SPC25: variants seen among roughly 807,000 people sequenced by gnomAD.
The protein encoded by SPC25 is kinetochore protein Spc25.
SPC25 carries 22 observed loss-of-function variants against 29.6 expected under a neutral mutation model. The observed-to-expected ratio is 0.74, with a 90% CI of 0.53 to 1.06. The LOEUF is 1.06. Ranked by LOEUF, SPC25 falls within the 50% of genes least tolerant of loss-of-function variation. SPC25 has a pLI of 0.00. For missense variants in SPC25, 230 were observed against 255.8 expected (o/e 0.90, Z 0.69); for synonymous variants, 91 against 90.4 (o/e 1.01, Z -0.04).
downstream of SPC25, among the ~76,000 whole-genome samples, chr2:168,869,756 A>G (rs188478449): frequency 6.0e-4 from 92 of 152,344 alleles, no homozygotes; most frequent in Admixed American, 3.5e-3. Flanking sequence ...AGGAAGAATC[A>G]ATATCATGAA....
intron 5 of SPC25, among the ~76,000 whole-genome samples, chr2:168,875,857 T>C (rs1690075302): frequency 6.6e-6 from 1 of 152,118 alleles, no homozygotes; most frequent in Non-Finnish European, 1.5e-5. Context: ...ATGTTGACAA[T>C]CATGCCAAAA....
At chr2:168,874,869 T>A (rs186124246) in intron 5 of SPC25, among the ~76,000 whole-genome samples, 1 of 152,144 alleles carries the variant, frequency 6.6e-6, no homozygotes, top group Non-Finnish European at 1.5e-5. Context: ...TTGCCCCACG[T>A]GCTATTGTTT....
chr2:168,885,106 C>T (rs529546853), intron 3 of SPC25, among the ~76,000 whole-genome samples: 1 of 152,278 alleles, frequency 6.6e-6, no homozygotes, highest in South Asian at 2.1e-4. Context: ...TGAAGACTTG[C>T]TGCACAATAA....
rs117394461 is a variant in SPC25, at chr2:168,865,054, T to C, written n.419+8531A>G. On this transcript the variant is annotated intron_variant and non_coding_transcript_variant, in intron 4 of 4. Transcript: ENST00000479309. ...AATAAGAATAAAGTGCTCTTACCTT[T>C]ACATGTTTTTCTTTTGAAATGGATG... 1.0e-4 allele frequency: 152 copies of C among 1,450,524 alleles called. No homozygotes were observed. In the East Asian group the frequency reaches 3.3e-3, roughly 31 times the overall value. The allele number at this position is 1,450,524 out of a possible 1,614,324, so 89.9% of individuals were successfully genotyped here. A position where few individuals can be genotyped will look rare whatever the true frequency, so the allele number is the denominator to read the frequency against.
intron 5 of SPC25, among the ~76,000 whole-genome samples, chr2:168,875,173 C>A (rs1012225967): frequency 2.6e-5 from 4 of 152,140 alleles, no homozygotes; most frequent in African/African-American, 9.7e-5. Context: ...CCTTTATCCA[C>A]CAGGGAGAAA....
chr2:168,886,595 C>T (rs888147317), intron 3 of SPC25, among the ~76,000 whole-genome samples: 1 of 151,686 alleles, frequency 6.6e-6, no homozygotes, highest in Non-Finnish European at 1.5e-5. Context: ...TCTGGGCTCA[C>T]TGCAAGCTCC....
intron 3 of SPC25, among the ~76,000 whole-genome samples, chr2:168,881,488 A>C (rs1165936319): frequency 1.3e-5 from 2 of 152,212 alleles, no homozygotes; most frequent in African/African-American, 4.8e-5. Context: ...CCAAAATGCC[A>C]ATCAGGGGGC....
rs1304490368 is a variant in SPC25, at chr2:168,871,564, A to G, written c.551-9T>C. ...AGGGGCACTATCTGACACTAGAAAA[A>G]AAAAAAAAAGAAATCAAAGACAATT... is the stretch of plus-strand genomic sequence containing the variant. On this transcript the variant is annotated splice_polypyrimidine_tract_variant and intron_variant, in intron 6 of 6. Coordinates refer to ENST00000282074, the MANE Select transcript of SPC25 (RefSeq NM_020675.4). 4.0e-6 allele frequency: 6 copies of G among 1,515,868 alleles called. No individual in the cohort carries two copies. Among genetic ancestry groups the G allele is most frequent in the Non-Finnish European group, 4.4e-6 (5 of 1,131,442 alleles). 93.9% of individuals were successfully genotyped at this position (1,515,868 alleles called of 1,614,324 possible).
chr2:168,867,169 T>C (rs1014875128), downstream of SPC25, among the ~76,000 whole-genome samples: 76 of 152,120 alleles, frequency 5.0e-4, no homozygotes, highest in Non-Finnish European at 5.7e-4. Flanking sequence ...TAAAGACACA[T>C]GCACATGTAT....
intron 2 of SPC25, 45 bp from the exon 3 acceptor site, chr2:168,889,336 A>G: frequency 6.2e-7 from 1 of 1,613,426 alleles, no homozygotes; most frequent in South Asian, 1.1e-5. Flanking sequence ...ATAACACTAA[A>G]AAATAAACTA....
At position 168,862,046 on chromosome 2, in the gene SPC25, A is replaced by C. The variant is rs769119808; in HGVS notation, n.419+11539T>G. The C allele has an allele frequency of 3.0e-5, 48 of 1,613,524 alleles. 1 individual carries two copies. The Admixed American group carries it at 7.8e-4, about 26-fold the overall frequency. ...GCAAGATGATGAGTTGAATTTGGAA[A>C]AGGGTAAGAATCATTCTCAAATATT... is the stretch of plus-strand genomic sequence containing the variant. On this transcript the variant is annotated intron_variant and non_coding_transcript_variant, in intron 4 of 4. Coordinates refer to the SPC25 transcript ENST00000479309.
In SPC25 at chr2:168,871,271, GT is replaced by G. The variant is rs1689977277; in HGVS notation, c.*159del. 1 of 574,084 alleles carries G rather than the reference GT, an allele frequency of 1.7e-6. No individual in the cohort carries two copies. Among genetic ancestry groups the G allele is most frequent in the Admixed American group, 3.8e-5 (1 of 26,602 alleles). 35.6% of individuals were successfully genotyped at this position (574,084 alleles called of 1,614,324 possible). On this transcript the variant is annotated 3_prime_UTR_variant, in exon 7 of 7. Transcript: ENST00000282074. ...ACCTAATGAAATGACGAGTTAATGG[GT>G]GCAGCACACCAATATGGCACATGTA...
At chr2:168,889,015 A>G (rs13382997) in intron 3 of SPC25, among the ~76,000 whole-genome samples, 9 of 61,350 alleles carry the variant, frequency 1.5e-4, no homozygotes, top group East Asian at 4.2e-4. Context: ...ATATATGTAT[A>G]TATATACACA....
chr2:168,872,533 A>G (rs1319802107), intron 6 of SPC25, among the ~76,000 whole-genome samples: 1 of 152,204 alleles, frequency 6.6e-6, no homozygotes, highest in Non-Finnish European at 1.5e-5. Context: ...TCAGATTTCC[A>G]GCTCTCTTGT....
intron 4 of SPC25, chr2:168,862,184 A>ACAT: frequency 1.4e-6 from 1 of 711,058 alleles, no homozygotes; most frequent in Non-Finnish European, 2.4e-6. Context: ...AAAGATAAGC[A>ACAT]CATCTAAAAC....
At chr2:168,865,321 G>A (rs1689801457) in intron 4 of SPC25, 1 of 191,154 alleles carries the variant, frequency 5.2e-6, no homozygotes. Context: ...CAACAGCAGT[G>A]GGACTTAGAT....
downstream of SPC25, among the ~76,000 whole-genome samples, chr2:168,866,913 C>T (rs10930339): frequency 0.35 from 51,743 of 147,868 alleles, 7,669 homozygotes; most frequent in Non-Finnish European, 0.42. Context: ...CAAATCAAAA[C>T]CACAATGAGA....
downstream of SPC25, among the ~76,000 whole-genome samples, chr2:168,867,999 ACTGT>A: frequency 6.6e-6 from 1 of 152,220 alleles, no homozygotes. Context: ...ATTATAACAA[ACTGT>A]CTCTCAGACC....
chr2:168,864,870 G>T, intron 4 of SPC25: 1 of 1,613,756 alleles, frequency 6.2e-7, no homozygotes, highest in Non-Finnish European at 8.5e-7. Context: ...AAAGAAGGAG[G>T]ATGGTGGTTT....
Sources: allele counts gnomAD v4.1 joint callset (sites outside exome capture counted in the v4.1 genomes callset), GRCh38; gene constraint gnomAD v4.1.1; transcripts MANE v1.5; gene names NCBI Gene and HGNC (gene_info 2026-07-23, HGNC 2026-07-21).